MARCHF1: variants seen among roughly 807,000 people sequenced by gnomAD.
MARCHF1 encodes the protein E3 ubiquitin-protein ligase MARCHF1.
In MARCHF1, 40 loss-of-function variants were observed where a neutral mutation model predicts 54.2. That is an observed-to-expected ratio of 0.74 (90% CI 0.57 to 0.96). MARCHF1 has a LOEUF of 0.96. Ranked by LOEUF, MARCHF1 falls within the 40% of genes least tolerant of loss-of-function variation. MARCHF1 has a pLI of 0.00. For missense variants in MARCHF1, 586 were observed against 656.5 expected (o/e 0.89, Z 1.17); for synonymous variants, 236 against 236.3 (o/e 1.00, Z 0.01).
intron 1 of MARCHF1, among the ~76,000 whole-genome samples, chr4:164,316,877 A>C (rs1403462743): frequency 6.6e-6 from 1 of 151,718 alleles, no homozygotes; most frequent in Non-Finnish European, 1.5e-5. Context: ...TCTTCCTCCT[A>C]CTCCAGCCAT....
At chr4:163,923,738 C>T (rs1164688978) in intron 3 of MARCHF1, among the ~76,000 whole-genome samples, 1 of 148,532 alleles carries the variant, frequency 6.7e-6, no homozygotes, top group Non-Finnish European at 1.5e-5. Context: ...AATATTAAGT[C>T]TTCATGATTT....
chr4:164,097,223 G>A (rs35589826), intron 2 of MARCHF1, among the ~76,000 whole-genome samples: 21,117 of 151,856 alleles, frequency 0.14, 2,354 homozygotes, highest in African/African-American at 0.32. Context: ...AATATATTTC[G>A]CCAAGAAAGA....
rs78589966 is a variant in MARCHF1 at position 163,697,395 on chromosome 4, G to A, written c.162+3418C>T. 5.6e-3 allele frequency among the ~76,000 whole-genome samples: 859 copies of A among 152,258 alleles called. 24 individuals carry two copies. The highest frequency in any genetic ancestry group is 0.017 in the East Asian group (86 of 5,174). Reference sequence around the variant, plus strand: ...TTGCCACAGGCTATTCTCAGGATAGGAGTCTCATGCCTGTTATGTGAACTC... The same window carrying A: ...TTGCCACAGGCTATTCTCAGGATAGAAGTCTCATGCCTGTTATGTGAACTC... On this transcript the variant is annotated intron_variant, in intron 5 of 9. Coordinates refer to ENST00000514618, the MANE Select transcript of MARCHF1 (RefSeq NM_001394959.1).
At chr4:164,039,967 TTATA>T (rs368367511) in intron 2 of MARCHF1, among the ~76,000 whole-genome samples, 2 of 145,074 alleles carry the variant, frequency 1.4e-5, no homozygotes, top group South Asian at 2.1e-4. Context: ...CCTCATGAAA[TTATA>T]TATATATATA....
intron 3 of MARCHF1, among the ~76,000 whole-genome samples, chr4:163,885,864 G>A (rs191517534): frequency 2.0e-5 from 3 of 150,842 alleles, no homozygotes; most frequent in East Asian, 3.9e-4. Context: ...TGGAGCCCAG[G>A]AGTTTGAGAC....
At chr4:164,358,857 G>A (rs1730639798) in intron 1 of MARCHF1, among the ~76,000 whole-genome samples, 2 of 151,990 alleles carry the variant, frequency 1.3e-5, no homozygotes, top group Non-Finnish European at 2.9e-5. Flanking sequence ...TGGACATCGA[G>A]CAATTGGATT....
intron 9 of MARCHF1, among the ~76,000 whole-genome samples, chr4:163,541,777 G>A (rs1042801149): frequency 1.3e-5 from 2 of 152,148 alleles, no homozygotes; most frequent in African/African-American, 4.8e-5. Flanking sequence ...CTTCTTTTAA[G>A]TTAGGCAATT....
intron 1 of MARCHF1, among the ~76,000 whole-genome samples, chr4:164,116,120 A>G (rs1755934640): frequency 6.6e-6 from 1 of 151,912 alleles, no homozygotes; most frequent in Admixed American, 6.6e-5. Context: ...AGCATTATCA[A>G]TAGTTAATGG....
chr4:163,755,330 T>G (rs1275466863), intron 4 of MARCHF1, among the ~76,000 whole-genome samples: 1 of 152,122 alleles, frequency 6.6e-6, no homozygotes, highest in African/African-American at 2.4e-5. Context: ...CTAATAAACT[T>G]TTTGTCCTTC....
Position 164,324,983 on chromosome 4 carries a change from A to T in MARCHF1, c.-323+58887T>A, listed in dbSNP as rs371539359. On this transcript the variant is annotated intron_variant, in intron 1 of 9. Transcript: ENST00000514618. ...TGAAAAAAATAAATTTCCAAGAATA[A>T]CCAAGAATAGCACAATAAAGGAAAA... Among the ~76,000 whole-genome samples, 11 of 152,072 alleles carry T rather than the reference A, an allele frequency of 7.2e-5. No individual in the cohort carries two copies. The East Asian group carries it at 1.2e-3, about 16-fold the overall frequency.
At chr4:163,942,356 A>G (rs1432476584) in intron 3 of MARCHF1, among the ~76,000 whole-genome samples, 2 of 152,196 alleles carry the variant, frequency 1.3e-5, no homozygotes, top group African/African-American at 4.8e-5. Flanking sequence ...AAGAGCACAG[A>G]TATTTCTCTG....
At chr4:163,957,807 C>T (rs547122820) in intron 3 of MARCHF1, among the ~76,000 whole-genome samples, 1 of 152,130 alleles carries the variant, frequency 6.6e-6, no homozygotes, top group South Asian at 2.1e-4. Flanking sequence ...CTAACCAGCT[C>T]TCTGTACATC....
At chr4:163,923,251 T>C (rs1242897727) in intron 3 of MARCHF1, among the ~76,000 whole-genome samples, 1 of 152,126 alleles carries the variant, frequency 6.6e-6, no homozygotes, top group South Asian at 2.1e-4. Context: ...AAAATATTTA[T>C]GCATTATTAC....
At chr4:163,733,193 A>ATATATATATATATATATATACACGTG (rs1745903192) in intron 4 of MARCHF1, among the ~76,000 whole-genome samples, 4 of 21,802 alleles carry the variant, frequency 1.8e-4, no homozygotes, top group African/African-American at 4.4e-4. Flanking sequence ...ATATATATAT[A>ATATATATATATATATATATACACGTG]TATATATATA....
intron 1 of MARCHF1, among the ~76,000 whole-genome samples, chr4:164,178,013 C>T (rs958155254): frequency 1.3e-5 from 2 of 152,164 alleles, no homozygotes; most frequent in Admixed American, 6.5e-5. Flanking sequence ...CTGAAATATG[C>T]TCTTTTATTG....
intron 2 of MARCHF1, among the ~76,000 whole-genome samples, chr4:164,018,442 T>C (rs891774696): frequency 6.6e-6 from 1 of 151,888 alleles, no homozygotes; most frequent in Non-Finnish European, 1.5e-5. Context: ...TATTTAGACA[T>C]AGTTATATAT....
At chr4:163,791,238 T>C (rs921577624) in intron 4 of MARCHF1, among the ~76,000 whole-genome samples, 19 of 152,162 alleles carry the variant, frequency 1.2e-4, no homozygotes, top group Admixed American at 3.3e-4. Flanking sequence ...TGTGGACATA[T>C]AGCCATCACT....
intron 2 of MARCHF1, among the ~76,000 whole-genome samples, chr4:164,018,138 G>A (rs1476817678): frequency 1.3e-5 from 2 of 151,640 alleles, no homozygotes; most frequent in South Asian, 4.2e-4. Flanking sequence ...TGCTTCACAC[G>A]ATAAACAAAA....
intron 4 of MARCHF1, among the ~76,000 whole-genome samples, chr4:163,825,176 A>T (rs1748813351): frequency 6.6e-6 from 1 of 151,984 alleles, no homozygotes; most frequent in East Asian, 1.9e-4. Flanking sequence ...ATACACTTAT[A>T]AGTGAGAACA....
Sources: gnomAD v4.1 joint callset for allele counts (sites outside exome capture counted in the v4.1 genomes callset) on GRCh38, gnomAD v4.1.1 for gene constraint, MANE v1.5 for transcripts, NCBI Gene and HGNC (gene_info 2026-07-23, HGNC 2026-07-21) for gene names.